NEK1: variants seen among roughly 807,000 people sequenced by gnomAD.
NEK1 encodes NIMA related kinase 1.
A neutral mutation model predicts 182.1 loss-of-function variants in NEK1; 137 were observed. The observed-to-expected ratio is 0.75, with a 90% CI of 0.65 to 0.87. The LOEUF is 0.87. Among genes scored for constraint, NEK1 ranks in the 40% least tolerant of loss-of-function variants. The pLI is 0.00. For missense variants in NEK1, 1,391 were observed against 1,494.4 expected (o/e 0.93, Z 1.14); for synonymous variants, 513 against 492.2 (o/e 1.04, Z -0.56).
At chr4:169,437,329 C>T (rs1738599321) in intron 28 of NEK1, among the ~76,000 whole-genome samples, 1 of 152,086 alleles carries the variant, frequency 6.6e-6, no homozygotes, top group African/African-American at 2.4e-5. Context: ...ATATTAAACT[C>T]TGAGCTAATG....
chr4:169,421,867 A>T (rs1180975509), intron 31 of NEK1, among the ~76,000 whole-genome samples: 2 of 152,248 alleles, frequency 1.3e-5, no homozygotes, highest in East Asian at 3.8e-4. Context: ...ATCAGTAAAG[A>T]TGCAGAAGAC....
chr4:169,413,596 T>C (rs1406663628), intron 31 of NEK1, among the ~76,000 whole-genome samples: 3 of 152,190 alleles, frequency 2.0e-5, no homozygotes, highest in Non-Finnish European at 4.4e-5. Flanking sequence ...CTTTAATCAG[T>C]CTTTGTCTCT....
At chr4:169,489,431 A>C (rs1030620577) in intron 23 of NEK1, among the ~76,000 whole-genome samples, 2 of 152,196 alleles carry the variant, frequency 1.3e-5, no homozygotes, top group African/African-American at 4.8e-5. Context: ...GACCAGAGTG[A>C]CTTAAGAATG....
intron 23 of NEK1, among the ~76,000 whole-genome samples, chr4:169,483,253 G>A (rs1748427490): frequency 6.6e-6 from 1 of 152,144 alleles, no homozygotes; most frequent in African/African-American, 2.4e-5. Flanking sequence ...TCTTATATGG[G>A]TGAAGTCTGT....
chr4:169,405,870 A>G (rs1732503642), intron 32 of NEK1, among the ~76,000 whole-genome samples: 1 of 152,156 alleles, frequency 6.6e-6, no homozygotes, highest in Non-Finnish European at 1.5e-5. Context: ...TTGGGAGCCC[A>G]AGGTGGGCAG....
At chr4:169,397,578 T>C (rs1424193004) in intron 35 of NEK1, among the ~76,000 whole-genome samples, 1 of 152,186 alleles carries the variant, frequency 6.6e-6, no homozygotes. Flanking sequence ...CTTTACATTT[T>C]TTCTAGGGTG....
intron 23 of NEK1, among the ~76,000 whole-genome samples, chr4:169,505,271 C>T (rs1480453824): frequency 2.6e-5 from 4 of 151,992 alleles, no homozygotes; most frequent in African/African-American, 4.8e-5. Flanking sequence ...TCCACTTACA[C>T]ACAATTTTTT....
At chr4:169,437,941 T>A (rs1270352386) in intron 28 of NEK1, 142 bp downstream of exon 28, 1 of 629,506 alleles carries the variant, frequency 1.6e-6, no homozygotes, top group Admixed American at 3.4e-5. Flanking sequence ...AAAAGACCAA[T>A]AGCTAAAAAT....
At chr4:169,478,560 C>A (rs935444331) in intron 24 of NEK1, among the ~76,000 whole-genome samples, 1 of 151,970 alleles carries the variant, frequency 6.6e-6, no homozygotes, top group Non-Finnish European at 1.5e-5. Context: ...TGAGAATGAT[C>A]AAGAAACTTA....
rs370914189 is a variant in NEK1, at chr4:169,401,656, G to A, written c.3579C>T (p.His1193=). 23 of 1,613,212 alleles carry A rather than the reference G, an allele frequency of 1.4e-5. No individual in the cohort carries two copies. Among genetic ancestry groups the A allele is most frequent in the Non-Finnish European group, 1.6e-5 (19 of 1,179,348 alleles). ...SSESALNEEW[H]SDNSDGEIAS... is the part of the protein sequence containing the mutation. ...TCCAAAACTCTGATCATGCACCTGA[G>A]TGCCATTCTTCGTTCAGGGCACTTT... The change falls in exon 33 of 36, where the codon CAC becomes CAT. Residue 1193 remains histidine, a synonymous_variant. Coordinates refer to ENST00000507142, the MANE Select transcript of NEK1 (RefSeq NM_001199397.3).
Position 169,428,958 on chromosome 4 carries a change from A to G in NEK1, c.2886-2724T>C, listed in dbSNP as rs183469979. ...TCCCCTTTATTCTTTTAGGTGCTGTATTATATTCCATTAATGCTTTAGAGT... is the reference window on the plus strand; with the variant it reads ...TCCCCTTTATTCTTTTAGGTGCTGTGTTATATTCCATTAATGCTTTAGAGT... On this transcript the variant is annotated intron_variant, in intron 29 of 35. Coordinates refer to ENST00000507142, the MANE Select transcript of NEK1 (RefSeq NM_001199397.3). Among the ~76,000 whole-genome samples the G allele has an allele frequency of 1.5e-3, 221 of 152,198 alleles. 1 individual carries two copies. The highest frequency in any genetic ancestry group is 5.2e-3 in the African/African-American group (214 of 41,514).
chr4:169,464,368 A>G (rs867216916), intron 26 of NEK1, among the ~76,000 whole-genome samples: 1 of 152,180 alleles, frequency 6.6e-6, no homozygotes, highest in African/African-American at 2.4e-5. Flanking sequence ...GCAAAAAGAA[A>G]TATCAGAAGC....
At chr4:169,405,467 T>C (rs1732432781) in intron 32 of NEK1, among the ~76,000 whole-genome samples, 1 of 152,214 alleles carries the variant, frequency 6.6e-6, no homozygotes, top group Non-Finnish European at 1.5e-5. Context: ...ATGCTTAGGC[T>C]ACACTAAATT....
intron 12 of NEK1, among the ~76,000 whole-genome samples, chr4:169,570,137 C>A (rs1764473423): frequency 6.7e-6 from 1 of 149,466 alleles, no homozygotes; most frequent in Admixed American, 6.7e-5. Context: ...AGCGCCTCTG[C>A]CCCGCCGCCC....
At chr4:169,566,478 C>T (rs1420483144) in intron 12 of NEK1, among the ~76,000 whole-genome samples, 1 of 152,028 alleles carries the variant, frequency 6.6e-6, no homozygotes, top group Non-Finnish European at 1.5e-5. Flanking sequence ...TGAAGTATAA[C>T]ATAATATATT....
In NEK1 at chr4:169,477,476, G is replaced by C. The variant is rs201726561; in HGVS notation, c.2161C>G (p.Arg721Gly). The change falls in exon 25 of 36, where the codon CGG becomes GGG. Residue 721 changes from arginine to glycine, a missense_variant. Physicochemically the swap from Arg to Gly is moderately radical, Grantham distance 125. This residue lies in a region of NEK1 where 1,216 missense variants were observed against 1,277.6 expected (regional missense o/e 0.95). Transcript: ENST00000507142. ...TTTTGCATCTCTTCTGAAGTTTCCC[G>C]GGTATCAGTTAAACTACTGTCCTTT... The part of the protein sequence containing the change: ...VGVDSSLTDT[R>G]ETSEEMQKTN... The C allele has an allele frequency of 2.7e-5, 44 of 1,606,834 alleles. No individual in the cohort carries two copies. The African/African-American group carries it at 4.4e-4, about 16-fold the overall frequency.
intron 6 of NEK1, 108 bp downstream of exon 6, chr4:169,590,618 A>T (rs961008685): frequency 1.5e-6 from 1 of 645,200 alleles, no homozygotes; most frequent in Non-Finnish European, 2.7e-6. Context: ...AAGAGACAAG[A>T]CAGATAATCT....
chr4:169,455,438 T>C (rs552355612), intron 27 of NEK1, among the ~76,000 whole-genome samples: 10 of 151,324 alleles, frequency 6.6e-5, no homozygotes, highest in East Asian at 1.9e-4. Flanking sequence ...TCTATGCCAA[T>C]AGAAACCAAA....
At chr4:169,426,819 G>T (rs747193512) in intron 29 of NEK1, among the ~76,000 whole-genome samples, 1 of 152,052 alleles carries the variant, frequency 6.6e-6, no homozygotes, top group African/African-American at 2.4e-5. Flanking sequence ...AGACCAATTT[G>T]TATTAAATGG....
Sources: gnomAD v4.1 joint callset for allele counts (sites outside exome capture counted in the v4.1 genomes callset) on GRCh38, gnomAD v4.1.1 for gene constraint, gnomAD v4.1.1 regional missense constraint, MANE v1.5 for transcripts, NCBI Gene and HGNC (gene_info 2026-07-23, HGNC 2026-07-21) for gene names.